NFIC: variants seen among roughly 807,000 people sequenced by gnomAD.
The protein encoded by NFIC is nuclear factor 1 C-type.
A neutral mutation model predicts 54.4 loss-of-function variants in NFIC; 12 were observed. That is an observed-to-expected ratio of 0.22 (90% confidence interval 0.14 to 0.36). The LOEUF is 0.36. Among genes scored for constraint, NFIC ranks in the 10% least tolerant of loss-of-function variants. The pLI is 1.00. For synonymous variants in NFIC, 322 were observed against 319.2 expected (o/e 1.01, Z -0.09); for missense variants, 575 against 718.2 (o/e 0.80, Z 2.28).
intron 2 of NFIC, 64 bp from the exon 3 acceptor site, chr19:3,425,042 A>C: frequency 6.4e-7 from 1 of 1,570,178 alleles, no homozygotes; most frequent in Non-Finnish European, 8.7e-7. Flanking sequence ...CAGCATCGAC[A>C]CTTCATCTGC....
At chr19:3,387,456 A>G (rs1004230411) in intron 2 of NFIC, among the ~76,000 whole-genome samples, 1 of 152,110 alleles carries the variant, frequency 6.6e-6, no homozygotes, top group African/African-American at 2.4e-5. Context: ...AGATCGCGAC[A>G]CTGCACTCCA....
chr19:3,425,187 G>T lies in NFIC; in HGVS notation c.634+10G>T. The T allele has an allele frequency of 6.2e-7, 1 of 1,608,188 alleles. No homozygotes were observed. The highest frequency in any genetic ancestry group is 8.5e-7 in the Non-Finnish European group (1 of 1,178,582). The stretch of plus-strand genomic sequence containing the variant: ...AAGCCCATCACGCTGGGTGAGTCTG[G>T]GGGCAGCGTGGCGGTGAAGGGCGGA... On this transcript the variant is annotated intron_variant, in intron 3 of 10. Coordinates refer to ENST00000443272, the MANE Select transcript of NFIC (RefSeq NM_001245002.2).
At chr19:3,367,207 G>C (rs1011911938) in intron 1 of NFIC, among the ~76,000 whole-genome samples, 1 of 152,176 alleles carries the variant, frequency 6.6e-6, no homozygotes, top group Non-Finnish European at 1.5e-5. Context: ...CCTTTCCCTC[G>C]TTATTGGCCC....
chr19:3,389,375 G>A (rs1003968617), intron 2 of NFIC, among the ~76,000 whole-genome samples: 1 of 152,136 alleles, frequency 6.6e-6, no homozygotes, highest in Non-Finnish European at 1.5e-5. Flanking sequence ...GGGAAGGGGC[G>A]GCCTTGTGGG....
rs1474735873 is a variant in NFIC at position 3,370,872 on chromosome 19, C to T, written c.30+4206C>T. ...CTCTCCTGCCTGTGTCCACGCCGAC[C>T]TCACCTGGGTGCCCATCTGCCCTGA... On this transcript the variant is annotated intron_variant, in intron 1 of 10. Transcript: ENST00000443272. This position sits in a 1 kb window ranked among gnomAD's most constrained non-coding sequence, Gnocchi z 5.2. Among the ~76,000 whole-genome samples, 1 of 152,072 alleles carries T rather than the reference C, an allele frequency of 6.6e-6. No homozygotes were observed. Among genetic ancestry groups the T allele is most frequent in the Non-Finnish European group, 1.5e-5 (1 of 67,936 alleles).
intron 2 of NFIC, among the ~76,000 whole-genome samples, chr19:3,385,564 G>T (rs541969824): frequency 1.9e-4 from 25 of 134,254 alleles, no homozygotes; most frequent in African/African-American, 6.3e-4. Context: ...GGTTTTTTTG[G>T]TTGTTGTTGT....
rs769248336 is a variant in NFIC, at chr19:3,381,964, A to G, written c.283A>G (p.Ser95Gly). 6 of 1,613,546 alleles carry G rather than the reference A, an allele frequency of 3.7e-6. No individual in the cohort carries two copies. The highest frequency in any genetic ancestry group is 8.5e-7 in the Non-Finnish European group (1 of 1,179,916). The change falls in exon 2 of 11, where the codon AGC becomes GGC. Residue 95 changes from serine to glycine, a missense_variant. Ser to Gly is a moderately conservative substitution (Grantham distance 56). Transcript: ENST00000443272. ...RPECREDFVLSITGKKAPGCV... is the reference protein window; with the variant it reads ...RPECREDFVLGITGKKAPGCV... Reference sequence around the variant, plus strand: ...CGAGTGCCGCGAGGACTTCGTGCTGAGCATCACCGGCAAGAAGGCGCCGGG... The same window carrying G: ...CGAGTGCCGCGAGGACTTCGTGCTGGGCATCACCGGCAAGAAGGCGCCGGG...
intron 2 of NFIC, among the ~76,000 whole-genome samples, chr19:3,423,892 C>T (rs968565983): frequency 1.3e-5 from 2 of 152,144 alleles, no homozygotes; most frequent in African/African-American, 2.4e-5. Flanking sequence ...AGGGACGTGA[C>T]GTCTCCAGGA....
At chr19:3,450,809 G>A (rs1033729048) in intron 7 of NFIC, among the ~76,000 whole-genome samples, 1 of 152,210 alleles carries the variant, frequency 6.6e-6, no homozygotes, top group Non-Finnish European at 1.5e-5. Flanking sequence ...ACACAGAGAG[G>A]CAGTCCCAAA....
chr19:3,402,791 G>C (rs539980796), intron 2 of NFIC, among the ~76,000 whole-genome samples: 1 of 152,202 alleles, frequency 6.6e-6, no homozygotes, highest in Non-Finnish European at 1.5e-5. Context: ...AGAGGGAACA[G>C]AATGTGCAAA....
Position 3,453,726 on chromosome 19 carries a change from G to T in NFIC, c.1270-37G>T. 1.9e-6 allele frequency: 3 copies of T among 1,577,010 alleles called. No individual in the cohort carries two copies. The highest frequency in any genetic ancestry group is 2.6e-6 in the Non-Finnish European group (3 of 1,165,470). On this transcript the variant is annotated intron_variant, in intron 8 of 10. Transcript: ENST00000443272. The surrounding 1 kb of genome is among the most constrained non-coding windows in gnomAD (Gnocchi z 6.7). ...GCCAGCAGCCCGAGGTAGAGGGGGA[G>T]CCCACCCCTTAACCACGTGTCTCTC...
upstream of NFIC, chr19:3,366,537 GGGGGGGGGTTGGGGGGGGC>G: frequency 1.8e-6 from 1 of 571,342 alleles, no homozygotes; most frequent in Non-Finnish European, 2.7e-6. Context: ...CGCGGGGCGG[GGGGGGGGGTTGGGGGGGGC>G]GGGGGGGTGG....
Position 3,381,737 on chromosome 19 carries a change from C to A in NFIC, c.56C>A (p.Ala19Asp), listed in dbSNP as rs770259492. ...TQDEFHPFIE[A>D]LLPHVRAFAY... Reference sequence around the variant, plus strand: ...GATGAGTTCCACCCGTTCATCGAGGCCCTGCTGCCTCACGTCCGCGCCTTC... The same window carrying A: ...GATGAGTTCCACCCGTTCATCGAGGACCTGCTGCCTCACGTCCGCGCCTTC... Residue 19 changes from alanine (A) to aspartate (D), a missense_variant, in exon 2 of 11, where the codon GCC becomes GAC. Physicochemically the swap from Ala to Asp is moderately radical, Grantham distance 126. This residue lies in a region of NFIC where 122 missense variants were observed against 158.0 expected (regional missense o/e 0.77). Coordinates refer to ENST00000443272, the MANE Select transcript of NFIC (RefSeq NM_001245002.2). The A allele has an allele frequency of 6.2e-7, 1 of 1,613,786 alleles. No individual in the cohort carries two copies. Among genetic ancestry groups the A allele is most frequent in the Admixed American group, 1.7e-5 (1 of 60,028 alleles).
intron 6 of NFIC, among the ~76,000 whole-genome samples, chr19:3,437,049 T>C (rs1226500855): frequency 1.3e-5 from 2 of 151,612 alleles, no homozygotes; most frequent in Non-Finnish European, 2.9e-5. Flanking sequence ...AAACGGGAGG[T>C]CACTGTCATC....
intron 2 of NFIC, among the ~76,000 whole-genome samples, chr19:3,417,393 G>A (rs1337746002): frequency 6.6e-6 from 1 of 152,106 alleles, no homozygotes; most frequent in Admixed American, 6.6e-5. Flanking sequence ...CTTACAAATT[G>A]AGCAGATTTA....
At chr19:3,404,888 C>T (rs1269523529) in intron 2 of NFIC, among the ~76,000 whole-genome samples, 1 of 152,058 alleles carries the variant, frequency 6.6e-6, no homozygotes, top group East Asian at 1.9e-4. Context: ...ACCGGGGTCC[C>T]CAGGGGTCCC....
At chr19:3,405,329 G>A (rs2081630896) in intron 2 of NFIC, among the ~76,000 whole-genome samples, 1 of 152,218 alleles carries the variant, frequency 6.6e-6, no homozygotes, top group Non-Finnish European at 1.5e-5. Flanking sequence ...CGGGCGGGGA[G>A]TGCGGAGAAC....
rs1362682286 is a variant in NFIC, at chr19:3,381,713, A to G, written c.32A>G (p.Asp11Gly). MYSSPLCLTQ[D>G]EFHPFIEALL... The stretch of plus-strand genomic sequence containing the variant: ...ACCTCTCGCCTCTCCGGCCTGCAGG[A>G]TGAGTTCCACCCGTTCATCGAGGCC... The change falls in exon 2 of 11, where the codon GAT becomes GGT. Residue 11 changes from aspartate (D) to glycine (G), a missense_variant and splice_region_variant. Transcript: ENST00000443272. 6.2e-7 allele frequency: 1 copy of G among 1,613,290 alleles called. No individual in the cohort carries two copies. The highest frequency in any genetic ancestry group is 8.5e-7 in the Non-Finnish European group (1 of 1,179,854).
At chr19:3,422,534 G>A (rs1325057070) in intron 2 of NFIC, among the ~76,000 whole-genome samples, 8 of 151,350 alleles carry the variant, frequency 5.3e-5, no homozygotes, top group East Asian at 2.0e-4. Context: ...TGGCTAACAC[G>A]GTGAAACCCC....
Sources: gnomAD v4.1 joint callset for allele counts (sites outside exome capture counted in the v4.1 genomes callset) on GRCh38, gnomAD v4.1.1 for gene constraint, gnomAD v4.1.1 regional missense constraint, Gnocchi (gnomAD v3.1) non-coding constraint, MANE v1.5 for transcripts, NCBI Gene and HGNC (gene_info 2026-07-23, HGNC 2026-07-21) for gene names.